TIAM1: variants seen among roughly 807,000 people sequenced by gnomAD.
TIAM1 encodes the protein rho guanine nucleotide exchange factor TIAM1.
A neutral mutation model predicts 163.5 loss-of-function variants in TIAM1; 65 were observed. That is an observed-to-expected ratio of 0.40 (90% confidence interval 0.33 to 0.49). The LOEUF (loss-of-function observed/expected upper bound fraction) is 0.49. Ranked by LOEUF, TIAM1 falls within the 20% of genes least tolerant of loss-of-function variation. TIAM1 has a pLI of 0.77. For synonymous variants in TIAM1, 833 were observed against 810.1 expected (o/e 1.03, Z -0.48); for missense variants, 1,789 against 2,044.7 (o/e 0.87, Z 2.41).
chr21:31,167,817 C>T (rs890014311), intron 15 of TIAM1, among the ~76,000 whole-genome samples: 7 of 152,178 alleles, frequency 4.6e-5, no homozygotes, highest in African/African-American at 1.7e-4. Flanking sequence ...CAGTTTGAGA[C>T]CCACTCCCTG....
intron 2 of TIAM1, among the ~76,000 whole-genome samples, chr21:31,420,919 C>T (rs1602236565): frequency 6.6e-6 from 1 of 152,004 alleles, no homozygotes; most frequent in East Asian, 1.9e-4. Context: ...GTCAGGAGTT[C>T]GAGACCAGCC....
chr21:31,344,940 TCA>T (rs944385056), upstream of TIAM1, among the ~76,000 whole-genome samples: 81 of 152,320 alleles, frequency 5.3e-4, no homozygotes, highest in African/African-American at 1.9e-3. Context: ...AATTTTTATA[TCA>T]GTTTCTAAAA....
In TIAM1 at chr21:31,141,381, A is replaced by G. The variant is rs1419664427; in HGVS notation, c.3599T>C (p.Leu1200Pro). The change falls in exon 21 of 28, where the codon CTC (leucine) becomes CCC (proline). Residue 1200 changes from leucine (L) to proline (P), a missense_variant. By Grantham distance (98) the Leu-to-Pro change is moderately conservative. This residue lies in a region of TIAM1 where 60 missense variants were observed against 132.6 expected (regional missense o/e 0.45). Transcript: ENST00000541036. This position sits in a 1 kb window ranked among gnomAD's most constrained non-coding sequence, Gnocchi z 4.7. ...IQRILKYPLL[L>P]RELFALTDAE... Reference sequence around the variant, plus strand: ...ATCGGTCAGGGCGAACAGCTCCCTGAGCAGAAGTGGGTACTTGAGGATCCT... The same window carrying G: ...ATCGGTCAGGGCGAACAGCTCCCTGGGCAGAAGTGGGTACTTGAGGATCCT... 6.2e-7 allele frequency: 1 copy of G among 1,614,092 alleles called. No individual in the cohort carries two copies. The highest frequency in any genetic ancestry group is 1.7e-5 in the Admixed American group (1 of 60,012).
At chr21:31,310,700 C>A in intron 2 of TIAM1, among the ~76,000 whole-genome samples, 1 of 152,186 alleles carries the variant, frequency 6.6e-6, no homozygotes, top group Non-Finnish European at 1.5e-5. Flanking sequence ...CTACCTACTG[C>A]ATTTCCTTCT....
intron 1 of TIAM1, among the ~76,000 whole-genome samples, chr21:31,534,978 T>C (rs1280492067): frequency 6.6e-6 from 1 of 151,868 alleles, no homozygotes; most frequent in African/African-American, 2.4e-5. Context: ...CAGCCCTGGC[T>C]ACTTGGGAAG....
At chr21:31,228,304 A>G (rs1481848787) in intron 6 of TIAM1, among the ~76,000 whole-genome samples, 1 of 150,418 alleles carries the variant, frequency 6.6e-6, no homozygotes, top group East Asian at 1.9e-4. Flanking sequence ...AGTGTTGGCA[A>G]AGATATGGAG....
intron 17 of TIAM1, among the ~76,000 whole-genome samples, chr21:31,153,546 C>T (rs1348729031): frequency 1.3e-5 from 2 of 152,184 alleles, no homozygotes; most frequent in Non-Finnish European, 2.9e-5. Context: ...TTAAACAGAT[C>T]ACCCTGCTTT....
rs1235285275 is a variant in TIAM1 at position 31,266,315 on chromosome 21, G to A, written c.658C>T (p.Pro220Ser). The change falls in exon 4 of 28, where the codon CCG (proline) becomes TCG (serine). Residue 220 changes from proline (P) to serine (S), a missense_variant. Physicochemically the swap from Pro to Ser is moderately conservative, Grantham distance 74. This residue lies in a region of TIAM1 where 555 missense variants were observed against 564.9 expected (regional missense o/e 0.98). Coordinates refer to ENST00000541036, the MANE Select transcript of TIAM1 (RefSeq NM_001353694.2). ...CTCTGACAGGTGCTGAGCTGCCGCG[G>A]ACTCGCCCGCGTTTCCATCCCCCGA... is the stretch of plus-strand genomic sequence containing the variant. ...EARGMETRAS[P>S]RQLSTCQRAN... The A allele has an allele frequency of 1.2e-6, 2 of 1,614,084 alleles. No individual in the cohort carries two copies. The highest frequency in any genetic ancestry group is 2.7e-5 in the African/African-American group (2 of 74,928).
intron 1 of TIAM1, among the ~76,000 whole-genome samples, chr21:31,522,178 A>G (rs1392067624): frequency 2.0e-5 from 3 of 151,544 alleles, no homozygotes; most frequent in Non-Finnish European, 4.4e-5. Context: ...GCCGGCTCTT[A>G]ATAATTCTTA....
intron 2 of TIAM1, among the ~76,000 whole-genome samples, chr21:31,315,757 G>A (rs1315303409): frequency 1.3e-5 from 2 of 150,892 alleles, no homozygotes; most frequent in Admixed American, 6.6e-5. Context: ...CGAGGCAGGC[G>A]GATCATGAGG....
At chr21:31,340,244 A>G (rs567271787) in intron 1 of TIAM1, among the ~76,000 whole-genome samples, 7 of 151,880 alleles carry the variant, frequency 4.6e-5, no homozygotes, top group South Asian at 4.2e-4. Context: ...CTTATACCCT[A>G]GGACCTTGTC....
At chr21:31,183,822 G>C (rs1397877852) in intron 14 of TIAM1, among the ~76,000 whole-genome samples, 2 of 150,432 alleles carry the variant, frequency 1.3e-5, no homozygotes, top group Non-Finnish European at 2.9e-5. Context: ...AGCCTCCCAA[G>C]TAGCTGGGAT....
At chr21:31,536,828 G>A (rs2048151436) in intron 1 of TIAM1, among the ~76,000 whole-genome samples, 1 of 152,210 alleles carries the variant, frequency 6.6e-6, no homozygotes, top group Non-Finnish European at 1.5e-5. Flanking sequence ...AAGTCACATT[G>A]AAAGGTTAGG....
intron 19 of TIAM1, 91 bp from the exon 20 acceptor site, chr21:31,147,094 C>T: frequency 1.9e-6 from 2 of 1,034,898 alleles, no homozygotes; most frequent in East Asian, 2.5e-5. Flanking sequence ...ATCTGCCTGG[C>T]CCACCCCACA....
At chr21:31,247,571 T>C (rs1007904332) in intron 5 of TIAM1, among the ~76,000 whole-genome samples, 5 of 151,836 alleles carry the variant, frequency 3.3e-5, no homozygotes, top group African/African-American at 1.2e-4. Flanking sequence ...ATTTGTGTAT[T>C]TTTTTGTAAA....
intron 1 of TIAM1, among the ~76,000 whole-genome samples, chr21:31,533,387 G>A (rs1015203169): frequency 6.6e-6 from 1 of 152,138 alleles, no homozygotes; most frequent in Admixed American, 6.6e-5. Context: ...AGGTTAAACA[G>A]AATTTCATAA....
At chr21:31,293,155 TTGCGGGGGC>T (rs199992189) in intron 2 of TIAM1, among the ~76,000 whole-genome samples, 1,827 of 152,236 alleles carry the variant, frequency 0.012, 37 homozygotes, top group African/African-American at 0.041. Flanking sequence ...GCTCATGCAT[TTGCGGGGGC>T]TGCCAAGTTT....
intron 2 of TIAM1, among the ~76,000 whole-genome samples, chr21:31,294,956 G>A (rs896967962): frequency 3.9e-5 from 6 of 152,184 alleles, no homozygotes; most frequent in Non-Finnish European, 7.3e-5. Flanking sequence ...TGCCATCTGC[G>A]CTGCGCCACC....
chr21:31,208,923 T>C (rs1411516582), intron 11 of TIAM1, among the ~76,000 whole-genome samples: 1 of 152,156 alleles, frequency 6.6e-6, no homozygotes, highest in African/African-American at 2.4e-5. Context: ...CAACTTCTTC[T>C]AGGATAAAAT....
Sources: allele counts gnomAD v4.1 joint callset (sites outside exome capture counted in the v4.1 genomes callset), GRCh38; gene constraint gnomAD v4.1.1; regional missense constraint gnomAD v4.1.1; non-coding constraint Gnocchi (gnomAD v3.1); transcripts MANE v1.5; gene names NCBI Gene and HGNC (gene_info 2026-07-23, HGNC 2026-07-21).